TULP4: variants seen among roughly 807,000 people sequenced by gnomAD.
TULP4 encodes TUB like protein 4.
Under a neutral mutation model 129.0 loss-of-function variants are expected in TULP4, and 16 were observed. The ratio of observed to expected loss-of-function variants is 0.12; its 90% CI spans 0.08 to 0.19. The LOEUF is 0.19. TULP4 is among the 10% of genes least tolerant of loss of function. The pLI is 1.00. For synonymous variants in TULP4, 998 were observed against 854.0 expected, an observed-to-expected ratio of 1.17 and a Z score of -2.94; for missense variants, 1,842 against 2,059.1, an observed-to-expected ratio of 0.89 and a Z score of 2.04.
rs776454064 is a variant in TULP4 at position 158,502,557 on chromosome 6, C to T, written c.2894C>T (p.Ala965Val). ...TGDPPPYPEI[A>V]SQLAQGRGAA... ...GACCCACCCCCGTATCCTGAAATTGCCAGCCAGCTGGCCCAGGGGCGGGGG... is the reference window on the plus strand; with the variant it reads ...GACCCACCCCCGTATCCTGAAATTGTCAGCCAGCTGGCCCAGGGGCGGGGG... Residue 965 changes from alanine to valine, a missense_variant, in exon 13 of 14, where the codon GCC (alanine) becomes GTC (valine). Around this residue, in one of 5 missense-constraint regions of TULP4, gnomAD observed 1,089 missense variants for 987.1 expected, o/e 1.10. Transcript: ENST00000367097. 6.2e-7 allele frequency: 1 copy of T among 1,607,656 alleles called. No individual in the cohort carries two copies. Among genetic ancestry groups the T allele is most frequent in the Non-Finnish European group, 8.5e-7 (1 of 1,179,920 alleles).
At position 158,350,083 on chromosome 6, in the gene TULP4, C is replaced by G. The variant is rs1342383874; in HGVS notation, c.252+35815C>G. ...GCAGCCGGGCAGAGGCACTCCACTT[C>G]CCAGACGGGGCAGCCGGGCAGAGGC... On this transcript the variant is annotated intron_variant, in intron 1 of 13. Coordinates refer to ENST00000367097, the MANE Select transcript of TULP4 (RefSeq NM_020245.5). Among the ~76,000 whole-genome samples, 51 of 147,774 alleles carry G rather than the reference C, an allele frequency of 3.5e-4. 1 individual carries two copies. The highest frequency in any genetic ancestry group is 6.7e-4 in the Non-Finnish European group (45 of 67,104).
At chr6:158,444,904 T>C (rs1778998533) in intron 3 of TULP4, among the ~76,000 whole-genome samples, 1 of 152,188 alleles carries the variant, frequency 6.6e-6, no homozygotes, top group Non-Finnish European at 1.5e-5. Context: ...CTCCAACTCC[T>C]GGGCTCCAGT....
At chr6:158,266,770 T>C (rs1405027807) in intron 1 of TULP4, among the ~76,000 whole-genome samples, 3 of 152,240 alleles carry the variant, frequency 2.0e-5, no homozygotes, top group Non-Finnish European at 4.4e-5. Flanking sequence ...CCATTTTATA[T>C]GAGAGACTTG....
chr6:158,363,447 A>G (rs190938049), intron 1 of TULP4, among the ~76,000 whole-genome samples: 2 of 151,982 alleles, frequency 1.3e-5, no homozygotes, highest in Non-Finnish European at 2.9e-5. Context: ...GCCTATTTCC[A>G]TGTAAGTTGA....
At chr6:158,252,322 CT>C (rs370152701) in intron 1 of TULP4, among the ~76,000 whole-genome samples, 2,445 of 138,082 alleles carry the variant, frequency 0.018, 69 homozygotes, top group African/African-American at 0.059. Context: ...AATGTTTTTT[CT>C]TTTTTTTTTT....
At chr6:158,415,048 T>A (rs1037558481) in intron 2 of TULP4, among the ~76,000 whole-genome samples, 1 of 152,246 alleles carries the variant, frequency 6.6e-6, no homozygotes, top group Non-Finnish European at 1.5e-5. Context: ...TTGGCAGAGA[T>A]GCGTGTATTC....
chr6:158,384,025 G>T (rs1045456896), intron 1 of TULP4, among the ~76,000 whole-genome samples: 1 of 152,190 alleles, frequency 6.6e-6, no homozygotes, highest in African/African-American at 2.4e-5. Flanking sequence ...GGCTAGAGGA[G>T]GTGAATCTAT....
chr6:158,298,218 T>C (rs199539308), intron 1 of TULP4, among the ~76,000 whole-genome samples: 1 of 152,028 alleles, frequency 6.6e-6, no homozygotes, highest in Non-Finnish European at 1.5e-5. Flanking sequence ...TGATTTCATA[T>C]TGTTCAAACA....
chr6:158,439,458 C>T (rs938946711), intron 3 of TULP4, among the ~76,000 whole-genome samples: 1 of 151,996 alleles, frequency 6.6e-6, no homozygotes, highest in Non-Finnish European at 1.5e-5. Context: ...CAGTTCTCAC[C>T]TCCTCCCAGA....
chr6:158,475,752 G>A (rs944461739), intron 6 of TULP4, among the ~76,000 whole-genome samples: 1 of 152,226 alleles, frequency 6.6e-6, no homozygotes, highest in African/African-American at 2.4e-5. Flanking sequence ...GCAAAATCAG[G>A]ACTAGCGTTA....
chr6:158,419,519 A>C (rs1778290301), intron 2 of TULP4, among the ~76,000 whole-genome samples: 3 of 152,256 alleles, frequency 2.0e-5, no homozygotes, highest in Non-Finnish European at 4.4e-5. Flanking sequence ...GATTAAATTT[A>C]CCAATCAAAA....
chr6:158,312,004 G>C, upstream of TULP4: 3 of 394,278 alleles, frequency 7.6e-6, no homozygotes, highest in Non-Finnish European at 1.3e-5. Context: ...TTATTTTCCA[G>C]TGTTTTAAAG....
At chr6:158,438,775 G>A (rs950120759) in intron 3 of TULP4, among the ~76,000 whole-genome samples, 3 of 151,988 alleles carry the variant, frequency 2.0e-5, no homozygotes, top group African/African-American at 7.3e-5. Flanking sequence ...AGTAGAGACA[G>A]GGTTTCACCA....
At chr6:158,439,700 CTTTTTTTTTTTTT>C (rs71030170) in intron 3 of TULP4, among the ~76,000 whole-genome samples, 1,702 of 68,320 alleles carry the variant, frequency 0.025, 16 homozygotes, top group Middle Eastern at 0.052. Flanking sequence ...ACTAGAGTTT[CTTTTTTTTTTTTT>C]TTTTTTTTTT....
intron 3 of TULP4, among the ~76,000 whole-genome samples, chr6:158,430,878 G>A (rs1778613094): frequency 6.6e-6 from 1 of 151,922 alleles, no homozygotes; most frequent in Non-Finnish European, 1.5e-5. Flanking sequence ...TTTATTATTG[G>A]TAAAAAACCA....
intron 1 of TULP4, among the ~76,000 whole-genome samples, chr6:158,352,465 C>T (rs1005621042): frequency 3.3e-5 from 5 of 152,146 alleles, no homozygotes; most frequent in Admixed American, 6.5e-5. Context: ...GGCACGATCT[C>T]GGCTCACTGC....
At chr6:158,307,724 C>T (rs1433361748), upstream of TULP4, among the ~76,000 whole-genome samples, 2 of 152,084 alleles carry the variant, frequency 1.3e-5, no homozygotes. Flanking sequence ...CTCTGGTGAC[C>T]CCCGCCTTGG....
At chr6:158,452,345 C>A (rs1484616081) in intron 5 of TULP4, 77 bp downstream of exon 5, 2 of 1,539,710 alleles carry the variant, frequency 1.3e-6, no homozygotes, top group Non-Finnish European at 1.8e-6. Context: ...CTTGTACACT[C>A]TGTGCTTACT....
chr6:158,427,713 G>C (rs1417252168), intron 2 of TULP4: 1 of 151,916 alleles, frequency 6.6e-6, no homozygotes, highest in Non-Finnish European at 1.5e-5. Context: ...AGATGGTCTC[G>C]ATCTCTTGAC....
Sources: allele counts gnomAD v4.1 joint callset (sites outside exome capture counted in the v4.1 genomes callset), GRCh38; gene constraint gnomAD v4.1.1; regional missense constraint gnomAD v4.1.1; transcripts MANE v1.5; gene names NCBI Gene and HGNC (gene_info 2026-07-23, HGNC 2026-07-21).